SAMD5: variants seen among roughly 807,000 people sequenced by gnomAD.
SAMD5 encodes sterile alpha motif domain-containing protein 5.
A neutral mutation model predicts 11.3 loss-of-function variants in SAMD5; 13 were observed. The ratio of observed to expected loss-of-function variants is 1.15; its 90% CI spans 0.75 to 1.83. SAMD5 has a LOEUF of 1.83. Among genes scored for constraint, SAMD5 ranks in the 40% most tolerant of loss-of-function variants. SAMD5 has a pLI of 0.00. For missense variants in SAMD5, 255 were observed against 239.1 expected, an observed-to-expected ratio of 1.07 and a Z score of -0.44; for synonymous variants, 129 against 111.3, an observed-to-expected ratio of 1.16 and a Z score of -1.00.
the SAMD5 span, among the ~76,000 whole-genome samples, chr6:147,782,181 T>C: frequency 6.6e-6 from 1 of 151,772 alleles, no homozygotes; most frequent in East Asian, 1.9e-4. Context: ...AGTTATACTT[T>C]GTAGGAGGTC....
intron 1 of SAMD5, among the ~76,000 whole-genome samples, chr6:147,546,897 G>C (rs1240377265): frequency 6.6e-6 from 1 of 152,152 alleles, no homozygotes; most frequent in African/African-American, 2.4e-5. Context: ...CCTATCACTA[G>C]TGGCTTGGTA....
At chr6:147,787,277 A>G in the SAMD5 span, among the ~76,000 whole-genome samples, 1 of 152,186 alleles carries the variant, frequency 6.6e-6, no homozygotes, top group Admixed American at 6.5e-5. Flanking sequence ...GTCCTCCATG[A>G]TGGAGCAGGA....
chr6:147,815,945 G>T, the SAMD5 span, among the ~76,000 whole-genome samples: 1 of 151,990 alleles, frequency 6.6e-6, no homozygotes, highest in Non-Finnish European at 1.5e-5. Flanking sequence ...ATTTAAGCTT[G>T]CTATGCTTCT....
intron 1 of SAMD5, among the ~76,000 whole-genome samples, chr6:147,687,517 C>G (rs1791035757): frequency 6.6e-6 from 1 of 151,978 alleles, no homozygotes; most frequent in African/African-American, 2.4e-5. Flanking sequence ...AGCAATCTGC[C>G]CACATTGGCC....
the SAMD5 span, among the ~76,000 whole-genome samples, chr6:147,907,189 T>C: frequency 6.6e-6 from 1 of 152,124 alleles, no homozygotes; most frequent in Non-Finnish European, 1.5e-5. Flanking sequence ...ATTGAGGTGG[T>C]TTCCCACTTA....
chr6:147,924,697 A>G, the SAMD5 span, among the ~76,000 whole-genome samples: 5 of 151,668 alleles, frequency 3.3e-5, no homozygotes, highest in Non-Finnish European at 4.4e-5. Flanking sequence ...ACTAAAATAA[A>G]ACAAAATTCA....
At chr6:147,575,345 G>T (rs1789203433) in intron 1 of SAMD5, among the ~76,000 whole-genome samples, 1 of 152,228 alleles carries the variant, frequency 6.6e-6, no homozygotes, top group Admixed American at 6.5e-5. Flanking sequence ...CCCAGAAGCT[G>T]TCTGCAGAAA....
chr6:147,517,245 G>A (rs1266216997), intron 1 of SAMD5, among the ~76,000 whole-genome samples: 1 of 152,232 alleles, frequency 6.6e-6, no homozygotes, highest in African/African-American at 2.4e-5. Flanking sequence ...GTGCTGGAGA[G>A]GTAGGACAGT....
chr6:147,870,989 G>T, the SAMD5 span, among the ~76,000 whole-genome samples: 192 of 152,198 alleles, frequency 1.3e-3, no homozygotes, highest in African/African-American at 4.5e-3. Context: ...GGGTAGCTTT[G>T]GAAATACTTG....
intron 1 of SAMD5, among the ~76,000 whole-genome samples, chr6:147,561,608 T>C (rs1402906316): frequency 1.3e-5 from 2 of 151,742 alleles, no homozygotes; most frequent in East Asian, 3.9e-4. Flanking sequence ...CTTGGTGGAG[T>C]GAAGAAAGAG....
chr6:147,600,276 G>C (rs1173445184), intron 1 of SAMD5, among the ~76,000 whole-genome samples: 1 of 152,178 alleles, frequency 6.6e-6, no homozygotes, highest in Non-Finnish European at 1.5e-5. Flanking sequence ...TCGTCTCCCA[G>C]GTATCTCTGC....
the SAMD5 span, among the ~76,000 whole-genome samples, chr6:147,803,671 A>G: frequency 6.6e-6 from 1 of 152,226 alleles, no homozygotes; most frequent in Admixed American, 6.5e-5. Flanking sequence ...CAGCATGTAG[A>G]CAAGACATTT....
chr6:147,648,150 G>A (rs1230638719), intron 1 of SAMD5, among the ~76,000 whole-genome samples: 1 of 152,192 alleles, frequency 6.6e-6, no homozygotes, highest in African/African-American at 2.4e-5. Flanking sequence ...GACCTCCTGA[G>A]ACTGGATAAT....
intron 1 of SAMD5, among the ~76,000 whole-genome samples, chr6:147,601,075 A>G (rs574441296): frequency 6.6e-6 from 1 of 152,312 alleles, no homozygotes; most frequent in South Asian, 2.1e-4. Context: ...TGACAGATTT[A>G]TTAGCTTTCT....
the SAMD5 span, among the ~76,000 whole-genome samples, chr6:147,748,496 A>G: frequency 5.3e-5 from 8 of 152,236 alleles, no homozygotes; most frequent in South Asian, 2.1e-4. Context: ...TAAGTACTAC[A>G]TAAGTGATTT....
chr6:147,584,579 CCTT>C (rs1489835761), intron 1 of SAMD5, among the ~76,000 whole-genome samples: 1 of 152,156 alleles, frequency 6.6e-6, no homozygotes, highest in African/African-American at 2.4e-5. Context: ...AGCCCATAGT[CCTT>C]ATTATCAGCT....
chr6:147,661,662 C>T (rs2128454476), intron 1 of SAMD5, among the ~76,000 whole-genome samples: 1 of 152,272 alleles, frequency 6.6e-6, no homozygotes, highest in South Asian at 2.1e-4. Flanking sequence ...TGGAGTCTCT[C>T]ACTGTTGCCT....
rs75808438 is a variant in SAMD5, at chr6:147,664,589, G to A, written c.163-72728G>A. On this transcript the variant is annotated intron_variant, in intron 1 of 1. Coordinates refer to the SAMD5 transcript ENST00000566741. ...AAGTGGAAATTCCTGCTAATATTCA[G>A]CAAATAACAATCTCCATATAATGAA... Among the ~76,000 whole-genome samples, 103 of 152,132 alleles carry A rather than the reference G, an allele frequency of 6.8e-4. No individual in the cohort carries two copies. In the East Asian group the frequency reaches 0.015, roughly 23 times the overall value.
chr6:147,886,293 G>T, the SAMD5 span, among the ~76,000 whole-genome samples: 2 of 152,098 alleles, frequency 1.3e-5, no homozygotes, highest in African/African-American at 2.4e-5. Context: ...AAACAAAAAA[G>T]AGCAACGCAA....
Sources: allele counts gnomAD v4.1 joint callset (sites outside exome capture counted in the v4.1 genomes callset), GRCh38; gene constraint gnomAD v4.1.1; transcripts MANE v1.5; gene names NCBI Gene and HGNC (gene_info 2026-07-23, HGNC 2026-07-21).